The following SLCO1B3 variants were observed in gnomAD, a reference collection of about 807,000 sequenced individuals.
SLCO1B3 encodes liver-specific organic anion transporter 2.
A neutral mutation model predicts 71.8 loss-of-function variants in SLCO1B3; 72 were observed. That is an observed-to-expected ratio of 1.00 (90% confidence interval 0.83 to 1.22). The LOEUF is 1.22. Among genes scored for constraint, SLCO1B3 ranks in the 50% most tolerant of loss-of-function variants. The pLI, the probability that SLCO1B3 is intolerant of heterozygous loss-of-function variation, is 0.00. For synonymous variants in SLCO1B3, 298 were observed against 278.4 expected, an observed-to-expected ratio of 1.07 and a Z score of -0.70; for missense variants, 911 against 819.7, an observed-to-expected ratio of 1.11 and a Z score of -1.36.
At chr12:20,915,536 A>G (rs1391783013) in intron 15 of SLCO1B3, among the ~76,000 whole-genome samples, 1 of 152,208 alleles carries the variant, frequency 6.6e-6, no homozygotes, top group African/African-American at 2.4e-5. Flanking sequence ...TTTTCTTGAC[A>G]GCCAGACAAA....
intron 2 of SLCO1B3, among the ~76,000 whole-genome samples, chr12:20,813,924 A>G (rs767839718): frequency 6.6e-6 from 1 of 152,180 alleles, no homozygotes. Flanking sequence ...CATATAACCT[A>G]TATCATACAT....
intron 3 of SLCO1B3, among the ~76,000 whole-genome samples, chr12:20,838,037 A>G (rs1864719266): frequency 6.6e-6 from 1 of 151,696 alleles, no homozygotes; most frequent in African/African-American, 2.4e-5. Context: ...AAGGAGTATT[A>G]TATCTTTTTT....
At chr12:20,837,475 AT>A (rs1472766160) in intron 3 of SLCO1B3, among the ~76,000 whole-genome samples, 1 of 152,028 alleles carries the variant, frequency 6.6e-6, no homozygotes, top group African/African-American at 2.4e-5. Context: ...TCCTCTAAGC[AT>A]TGCTTTTGCT....
At position 20,833,691 on chromosome 12, in the gene SLCO1B3, G is replaced by T. The variant is rs1310295687; in HGVS notation, c.84+17869G>T. Among the ~76,000 whole-genome samples, 31 of 147,724 alleles carry T rather than the reference G, an allele frequency of 2.1e-4. 1 individual carries two copies. Among genetic ancestry groups the T allele is most frequent in the East Asian group, 8.0e-4 (4 of 5,014 alleles). On this transcript the variant is annotated intron_variant, in intron 3 of 15. Transcript: ENST00000381545. ...ATATACATACACTTTATGGTATAGA[G>T]AGAGATGATAAATTACATGTATATT...
chr12:20,883,058 G>A lies in SLCO1B3; in HGVS notation c.1498-360G>A, dbSNP rs565975896. ...TTCATGAGTGGCTAAGTTTTGTCCCGTTTCAAACTATATTTTCTGGATTCT... is the reference window on the plus strand; with the variant it reads ...TTCATGAGTGGCTAAGTTTTGTCCCATTTCAAACTATATTTTCTGGATTCT... On this transcript the variant is annotated intron_variant, in intron 12 of 15. Transcript: ENST00000381545. Among the ~76,000 whole-genome samples the A allele has an allele frequency of 1.2e-3, 177 of 152,106 alleles. No homozygotes were observed. In the South Asian group the frequency reaches 0.013, roughly 11 times the overall value.
rs369250601 is a variant in SLCO1B3, at chr12:20,831,081, G to A, written c.84+15259G>A. Among the ~76,000 whole-genome samples, 191 of 152,192 alleles carry A rather than the reference G, an allele frequency of 1.3e-3. 4 individuals are homozygous for A. In the South Asian group the frequency reaches 0.033, roughly 26 times the overall value. ...TGCAGTCCAATAAAGAAGCCAGGCC[G>A]GGCGCGGTGGCTCACACCTGTAATC... On this transcript the variant is annotated intron_variant, in intron 3 of 15. Coordinates refer to ENST00000381545, the MANE Select transcript of SLCO1B3 (RefSeq NM_019844.4).
intron 8 of SLCO1B3, among the ~76,000 whole-genome samples, chr12:20,864,667 T>C (rs2121260168): frequency 1.3e-5 from 2 of 152,246 alleles, no homozygotes; most frequent in Middle Eastern, 6.8e-3. Context: ...AGGATAGTAG[T>C]TTTGTAGCCT....
At chr12:20,838,732 T>C (rs1326052656) in intron 3 of SLCO1B3, among the ~76,000 whole-genome samples, 1 of 152,012 alleles carries the variant, frequency 6.6e-6, no homozygotes, top group Non-Finnish European at 1.5e-5. Flanking sequence ...GGTGTTATAA[T>C]CTAATGGGAC....
chr12:20,853,618 C>G (rs970549842), intron 3 of SLCO1B3, among the ~76,000 whole-genome samples: 1 of 151,950 alleles, frequency 6.6e-6, no homozygotes, highest in African/African-American at 2.4e-5. Flanking sequence ...AAGTCTCTCT[C>G]TCTTTTTTAT....
chr12:20,877,718 C>T (rs1339597871), intron 9 of SLCO1B3, 54 bp from the exon 10 acceptor site: 3 of 770,894 alleles, frequency 3.9e-6, no homozygotes, highest in African/African-American at 1.8e-5. Context: ...TTACAAAATT[C>T]AGATATTAAT....
At chr12:20,836,037 G>C (rs1864673082) in intron 3 of SLCO1B3, among the ~76,000 whole-genome samples, 1 of 152,206 alleles carries the variant, frequency 6.6e-6, no homozygotes, top group Non-Finnish European at 1.5e-5. Flanking sequence ...CATCTTACAT[G>C]GCAGCAGGCA....
chr12:20,839,066 A>G (rs1415895592), intron 3 of SLCO1B3, among the ~76,000 whole-genome samples: 1 of 152,024 alleles, frequency 6.6e-6, no homozygotes, highest in East Asian at 1.9e-4. Context: ...TGGGTAGTGT[A>G]ACTTGCAAAA....
rs967713855 is a variant in SLCO1B3, at chr12:20,813,527, T to G, written c.-177T>G. The G allele has an allele frequency of 3.9e-5, 6 of 152,212 alleles. No homozygotes were observed. The highest frequency in any genetic ancestry group is 1.4e-4 in the African/African-American group (6 of 41,462). The allele number at this position is 152,212 out of a possible 1,614,324, so 9.4% of individuals were successfully genotyped here. On this transcript the variant is annotated 5_prime_UTR_variant, in exon 2 of 16. Coordinates refer to ENST00000381545, the MANE Select transcript of SLCO1B3 (RefSeq NM_019844.4). ...TATCGCCACATTGTTTCCATAGTTG[T>G]GCTTTGCGATGCTGAGTTTACTGTT...
chr12:20,813,963 CG>C (rs1177413220), intron 2 of SLCO1B3, among the ~76,000 whole-genome samples: 3 of 152,046 alleles, frequency 2.0e-5, no homozygotes, highest in Admixed American at 6.5e-5. Context: ...TATTACAAAT[CG>C]GATGCTTATA....
At chr12:20,867,407 A>G (rs1865393224) in intron 8 of SLCO1B3, among the ~76,000 whole-genome samples, 1 of 152,004 alleles carries the variant, frequency 6.6e-6, no homozygotes, top group African/African-American at 2.4e-5. Context: ...ATTCAAGAAA[A>G]TTATGAAGAG....
chr12:20,827,755 G>A (rs949409607), intron 3 of SLCO1B3, among the ~76,000 whole-genome samples: 2 of 152,006 alleles, frequency 1.3e-5, no homozygotes, highest in Admixed American at 6.6e-5. Flanking sequence ...TATTTTTGTA[G>A]AGACAGGGTT....
chr12:20,910,877 C>T (rs1866359732), intron 15 of SLCO1B3, among the ~76,000 whole-genome samples: 1 of 152,004 alleles, frequency 6.6e-6, no homozygotes. Context: ...AGATTTTCTA[C>T]ATATACATAT....
chr12:20,841,884 G>GTT (rs57925057), intron 3 of SLCO1B3, among the ~76,000 whole-genome samples: 31 of 132,270 alleles, frequency 2.3e-4, no homozygotes, highest in African/African-American at 6.9e-4. Context: ...GTTGGATGTA[G>GTT]TTTTTTTTTT....
intron 3 of SLCO1B3, among the ~76,000 whole-genome samples, chr12:20,837,513 GTTT>G (rs1195754000): frequency 6.6e-6 from 1 of 151,812 alleles, no homozygotes; most frequent in Non-Finnish European, 1.5e-5. Context: ...GATGAATTGT[GTTT>G]TTATTTTTAT....
Sources: allele counts gnomAD v4.1 joint callset (sites outside exome capture counted in the v4.1 genomes callset), GRCh38; gene constraint gnomAD v4.1.1; transcripts MANE v1.5; gene names NCBI Gene and HGNC (gene_info 2026-07-23, HGNC 2026-07-21).